Variants in FLT1 observed in about 807,000 individuals in gnomAD.
FLT1 encodes the protein vascular endothelial growth factor receptor 1.
Under a neutral mutation model 156.3 loss-of-function variants are expected in FLT1, and 49 were observed. The ratio of observed to expected loss-of-function variants is 0.31; its 90% CI spans 0.25 to 0.40. The LOEUF is 0.40. Ranked by LOEUF, FLT1 falls within the 10% of genes least tolerant of loss-of-function variation. The pLI, the probability that FLT1 is intolerant of heterozygous loss-of-function variation, is 1.00. For missense variants in FLT1, 1,322 were observed against 1,637.2 expected, an observed-to-expected ratio of 0.81 and a Z score of 3.32; for synonymous variants, 594 against 583.8, an observed-to-expected ratio of 1.02 and a Z score of -0.25.
rs61762459 is a variant in FLT1, at chr13:28,319,551, G to C, written c.3175-17C>G. On this transcript the variant is annotated splice_polypyrimidine_tract_variant and intron_variant, in intron 23 of 29. Coordinates refer to ENST00000282397, the MANE Select transcript of FLT1 (RefSeq NM_002019.4). ...AAGTCGAGTCTAGAAGAGGGCAAGG[G>C]GGCCTTGAGCAGAAGGGCATGAAAA... The C allele has an allele frequency of 6.6e-7, 1 of 1,513,718 alleles. No homozygotes were observed. The highest frequency in any genetic ancestry group is 1.4e-5 in the African/African-American group (1 of 72,974). 93.8% of individuals were successfully genotyped at this position (1,513,718 alleles called of 1,614,324 possible). A position where few individuals can be genotyped will look rare whatever the true frequency, so the allele number is the denominator to read the frequency against.
At chr13:28,391,367 G>T (rs1158636509) in intron 12 of FLT1, among the ~76,000 whole-genome samples, 1 of 152,152 alleles carries the variant, frequency 6.6e-6, no homozygotes. Flanking sequence ...TCTCTTCAAA[G>T]TCATCCCTCT....
chr13:28,405,943 T>A (rs2137493287), intron 10 of FLT1, 49 bp from the exon 11 acceptor site: 1 of 925,238 alleles, frequency 1.1e-6, no homozygotes, highest in Non-Finnish European at 1.8e-6. Flanking sequence ...CATGGTTCAG[T>A]CAATGGGGAC....
At chr13:28,477,566 T>C (rs144034369) in intron 1 of FLT1, among the ~76,000 whole-genome samples, 90 of 152,284 alleles carry the variant, frequency 5.9e-4, no homozygotes, top group Middle Eastern at 3.4e-3. Flanking sequence ...GGTAGAGAAG[T>C]CTGGTAGACC....
chr13:28,418,135 G>A (rs1208085057), intron 10 of FLT1, among the ~76,000 whole-genome samples: 2 of 152,118 alleles, frequency 1.3e-5, no homozygotes, highest in African/African-American at 2.4e-5. Context: ...AGGGGAAAGT[G>A]CCACAATAAG....
intron 1 of FLT1, among the ~76,000 whole-genome samples, chr13:28,490,210 A>G (rs1881392992): frequency 6.6e-6 from 1 of 152,102 alleles, no homozygotes; most frequent in Non-Finnish European, 1.5e-5. Context: ...AGCTCTTACA[A>G]CGTGTGTGTG....
At chr13:28,461,477 A>T (rs1218239130) in intron 3 of FLT1, among the ~76,000 whole-genome samples, 1 of 152,174 alleles carries the variant, frequency 6.6e-6, no homozygotes, top group African/African-American at 2.4e-5. Flanking sequence ...TGGAAGAAAT[A>T]CCAACTCCCT....
At chr13:28,422,296 C>T (rs1422772825) in intron 10 of FLT1, among the ~76,000 whole-genome samples, 1 of 113,814 alleles carries the variant, frequency 8.8e-6, no homozygotes, top group African/African-American at 3.4e-5. Context: ...TCACAAAGAA[C>T]CCGATGTTAC....
At chr13:28,386,194 G>A in intron 13 of FLT1, 2 of 1,054,596 alleles carry the variant, frequency 1.9e-6, no homozygotes, top group Non-Finnish European at 2.3e-6. Context: ...CATTGCAATG[G>A]CCTTAATTCC....
At chr13:28,427,412 T>C in intron 9 of FLT1, 94 bp from the exon 10 acceptor site, 2 of 1,150,944 alleles carry the variant, frequency 1.7e-6, no homozygotes, top group Non-Finnish European at 2.6e-6. Context: ...TCACTGGCTT[T>C]GATGTCAGGG....
intron 18 of FLT1, among the ~76,000 whole-genome samples, chr13:28,333,593 A>G (rs1354117798): frequency 1.3e-5 from 2 of 152,188 alleles, no homozygotes; most frequent in African/African-American, 4.8e-5. Context: ...GATCAACTCA[A>G]TTGTTCTAGC....
At chr13:28,413,007 C>G (rs1876406023) in intron 10 of FLT1, among the ~76,000 whole-genome samples, 1 of 152,122 alleles carries the variant, frequency 6.6e-6, no homozygotes, top group Admixed American at 6.6e-5. Flanking sequence ...GTCACAGGGT[C>G]AGGCTGAGGA....
chr13:28,338,074 A>G (rs1872186660), intron 17 of FLT1, among the ~76,000 whole-genome samples: 1 of 152,026 alleles, frequency 6.6e-6, no homozygotes, highest in Non-Finnish European at 1.5e-5. Flanking sequence ...TCCAGCTTTT[A>G]ACTGATTTCC....
At chr13:28,455,850 G>A (rs928499535) in intron 3 of FLT1, among the ~76,000 whole-genome samples, 3 of 152,186 alleles carry the variant, frequency 2.0e-5, no homozygotes, top group African/African-American at 4.8e-5. Flanking sequence ...CCTACAGATG[G>A]CAAATAAGCA....
At chr13:28,313,746 C>T (rs1261493084) in intron 25 of FLT1, among the ~76,000 whole-genome samples, 1 of 152,132 alleles carries the variant, frequency 6.6e-6, no homozygotes, top group Non-Finnish European at 1.5e-5. Flanking sequence ...CCTGAGAAAC[C>T]CTAGTTCATA....
At chr13:28,460,237 T>A (rs1437784792) in intron 3 of FLT1, among the ~76,000 whole-genome samples, 1 of 152,220 alleles carries the variant, frequency 6.6e-6, no homozygotes, top group African/African-American at 2.4e-5. Flanking sequence ...GGGCTCCCCA[T>A]TAGGGGCTAT....
At chr13:28,471,117 G>C (rs950934500) in intron 1 of FLT1, among the ~76,000 whole-genome samples, 2 of 149,688 alleles carry the variant, frequency 1.3e-5, no homozygotes, top group Non-Finnish European at 3.0e-5. Flanking sequence ...GACAAAAATG[G>C]GGTTATTCTA....
intron 10 of FLT1, among the ~76,000 whole-genome samples, chr13:28,411,806 A>G (rs1444682398): frequency 6.6e-6 from 1 of 152,202 alleles, no homozygotes; most frequent in Non-Finnish European, 1.5e-5. Flanking sequence ...ATGAATGTTT[A>G]TATAAATGTA....
chr13:28,430,334 A>G (rs1432905371), intron 7 of FLT1, among the ~76,000 whole-genome samples, 167 bp from the exon 8 acceptor site: 1 of 152,208 alleles, frequency 6.6e-6, no homozygotes, highest in African/African-American at 2.4e-5. Context: ...ATACTTTAAA[A>G]GCACTGTAAT....
intron 3 of FLT1, among the ~76,000 whole-genome samples, chr13:28,458,168 T>C (rs1273787086): frequency 6.6e-6 from 1 of 152,116 alleles, no homozygotes; most frequent in Non-Finnish European, 1.5e-5. Context: ...CCAAGTCATC[T>C]GCCCACTTCA....
Sources: gnomAD v4.1 joint callset for allele counts (sites outside exome capture counted in the v4.1 genomes callset) on GRCh38, gnomAD v4.1.1 for gene constraint, MANE v1.5 for transcripts, NCBI Gene and HGNC (gene_info 2026-07-23, HGNC 2026-07-21) for gene names.